The following MTRR variants were observed in gnomAD, a reference collection of about 807,000 sequenced individuals.
MTRR encodes the protein 5-methyltetrahydrofolate-homocysteine methyltransferase reductase.
Under a neutral mutation model 79.2 loss-of-function variants are expected in MTRR, and 63 were observed. That is an observed-to-expected ratio of 0.80 (90% CI 0.65 to 0.98). The LOEUF is 0.98. Ranked by LOEUF, MTRR falls within the 50% of genes least tolerant of loss-of-function variation. MTRR has a pLI of 0.00. For synonymous variants in MTRR, 355 were observed against 313.3 expected (o/e 1.13, Z -1.41); for missense variants, 895 against 839.6 (o/e 1.07, Z -0.82).
At chr5:7,852,663 C>A (rs968180129) in intron 1 of MTRR, among the ~76,000 whole-genome samples, 2 of 152,218 alleles carry the variant, frequency 1.3e-5, no homozygotes, top group African/African-American at 4.8e-5. Context: ...TTATTTTTCT[C>A]CCATGGGCTG....
At chr5:7,875,457 C>T in intron 4 of MTRR, 82 bp downstream of exon 4, 1 of 1,197,162 alleles carries the variant, frequency 8.4e-7, no homozygotes, top group Non-Finnish European at 1.2e-6. Flanking sequence ...CAGCTTTTCA[C>T]TTAACACTGA....
In MTRR at chr5:7,900,223, T is replaced by A; in HGVS notation, c.*165T>A. 2.5e-6 allele frequency: 2 copies of A among 791,498 alleles called. No individual in the cohort carries two copies. The highest frequency in any genetic ancestry group is 3.7e-5 in the South Asian group (2 of 53,658). 49.0% of individuals were successfully genotyped at this position (791,498 alleles called of 1,614,324 possible). Reference sequence around the variant, plus strand: ...CATTTAACAATATAACAAAACTTCCTGATTTGATTTTACGTATCTTCTATC... The same window carrying A: ...CATTTAACAATATAACAAAACTTCCAGATTTGATTTTACGTATCTTCTATC... On this transcript the variant is annotated 3_prime_UTR_variant, in exon 15 of 15. Coordinates refer to ENST00000440940, the MANE Select transcript of MTRR (RefSeq NM_002454.3).
In MTRR at chr5:7,895,740, A is replaced by G. The variant is rs374903302; in HGVS notation, c.1564A>G (p.Ile522Val). The G allele has an allele frequency of 4.5e-5, 73 of 1,614,034 alleles. No homozygotes were observed. The highest frequency in any genetic ancestry group is 1.5e-4 in the South Asian group (14 of 91,090). ...SGKALAPKIS[I>V]SPRTTNSFHL... ...ATTTGATGTAATATTTCAGATATCC[A>G]TCTCTCCTCGAACAACAAATTCTTT... The change falls in exon 12 of 15, where the codon ATC (isoleucine) becomes GTC (valine). Residue 522 changes from isoleucine to valine, a missense_variant. Coordinates refer to ENST00000440940, the MANE Select transcript of MTRR (RefSeq NM_002454.3).
chr5:7,873,252 A>G, intron 2 of MTRR, 121 bp from the exon 3 acceptor site: 1 of 1,332,390 alleles, frequency 7.5e-7, no homozygotes, highest in Admixed American at 1.7e-5. Context: ...TCGTCTCAAA[A>G]AAACTGGCAA....
At chr5:7,876,841 G>A (rs556053753) in intron 4 of MTRR, among the ~76,000 whole-genome samples, 12 of 152,310 alleles carry the variant, frequency 7.9e-5, no homozygotes, top group South Asian at 6.2e-4. Flanking sequence ...AGTGCCTGTC[G>A]TCATGTAGTA....
At chr5:7,856,138 C>A (rs1441563145) in intron 1 of MTRR, among the ~76,000 whole-genome samples, 12 of 152,128 alleles carry the variant, frequency 7.9e-5, no homozygotes. Flanking sequence ...CGATTCAGGT[C>A]CCTCAAAGGG....
intron 9 of MTRR, among the ~76,000 whole-genome samples, chr5:7,890,705 TTAAG>T (rs1315633571): frequency 5.3e-5 from 8 of 152,200 alleles, no homozygotes; most frequent in Non-Finnish European, 7.3e-5. Flanking sequence ...ATATTTTCAA[TTAAG>T]TAACTGCTAA....
intron 11 of MTRR, among the ~76,000 whole-genome samples, chr5:7,894,607 C>T (rs972226692): frequency 6.6e-6 from 1 of 152,186 alleles, no homozygotes; most frequent in Non-Finnish European, 1.5e-5. Flanking sequence ...TGATTCAGAT[C>T]GTGGTCAAAG....
chr5:7,866,543 G>A (rs1018211921), upstream of MTRR: 2 of 848,726 alleles, frequency 2.4e-6, no homozygotes, highest in Non-Finnish European at 3.7e-6. Context: ...GATCACTATG[G>A]AAGAAAAACT....
chr5:7,891,336 G>C, intron 9 of MTRR, 36 bp from the exon 10 acceptor site: 2 of 890,484 alleles, frequency 2.2e-6, no homozygotes, highest in Middle Eastern at 4.6e-4. Flanking sequence ...TTCAGTAGTA[G>C]TGAATTAATA....
At position 7,895,811 on chromosome 5, in the gene MTRR, A is replaced by G. The variant is rs1738412449; in HGVS notation, c.1635A>G (p.Pro545=). The G allele has an allele frequency of 6.2e-7, 1 of 1,614,048 alleles. No homozygotes were observed. Among genetic ancestry groups the G allele is most frequent in the Admixed American group, 1.7e-5 (1 of 60,010 alleles). ...DPSIPIIMVG[P]GTGIAPFIGF... is the part of the protein sequence containing the mutation. ...CAATCCCCATCATAATGGTGGGTCC[A>G]GGAACCGGCATAGCCCCGTTTATTG... Residue 545 remains proline, a synonymous_variant, in exon 12 of 15, where the codon CCA becomes CCG. Coordinates refer to ENST00000440940, the MANE Select transcript of MTRR (RefSeq NM_002454.3).
At chr5:7,850,945 G>T, upstream of MTRR, 2 of 1,345,576 alleles carry the variant, frequency 1.5e-6, no homozygotes, top group Non-Finnish European at 1.9e-6. Context: ...GCTGAAGGCG[G>T]ACTGCGCCGA....
intron 5 of MTRR, among the ~76,000 whole-genome samples, chr5:7,879,150 T>C (rs999810207): frequency 1.3e-5 from 2 of 152,206 alleles, no homozygotes; most frequent in African/African-American, 4.8e-5. Flanking sequence ...TATGGGCTAT[T>C]GTTTTTGCAC....
At chr5:7,868,199 G>GT, upstream of MTRR, 19 of 174,814 alleles carry the variant, frequency 1.1e-4, no homozygotes, top group South Asian at 5.9e-4. Context: ...ACGAGTATCT[G>GT]GAAAAAAAAA....
intron 5 of MTRR, 25 bp from the exon 6 acceptor site, chr5:7,883,130 C>G (rs369343311): frequency 1.4e-5 from 22 of 1,613,912 alleles, no homozygotes; most frequent in Admixed American, 8.3e-5. Flanking sequence ...ATTGCACTTA[C>G]GTTTTGTCAC....
intron 11 of MTRR, 176 bp downstream of exon 11, chr5:7,893,089 T>A: frequency 1.4e-6 from 1 of 695,400 alleles, no homozygotes; most frequent in Non-Finnish European, 2.4e-6. Flanking sequence ...ATGTACTCTT[T>A]AACTAGTGTG....
Position 7,897,188 on chromosome 5 carries a change from T to C in MTRR, c.1893T>C (p.Leu631=), listed in dbSNP as rs114274194. 6.2e-7 allele frequency: 1 copy of C among 1,614,154 alleles called. No individual in the cohort carries two copies. The highest frequency in any genetic ancestry group is 2.2e-5 in the East Asian group (1 of 44,872). ...AGTATGTGCAAGACAACATCCAGCT[T>C]CATGGCCAGCAGGTGGCGAGAATCC... ...PAKYVQDNIQ[L]HGQQVARILL... Residue 631 remains leucine, a synonymous_variant, in exon 14 of 15, where the codon CTT becomes CTC. Transcript: ENST00000440940.
intron 10 of MTRR, among the ~76,000 whole-genome samples, chr5:7,892,400 A>G (rs1257466944): frequency 2.6e-5 from 4 of 152,228 alleles, no homozygotes; most frequent in Non-Finnish European, 5.9e-5. Context: ...ATTTATCCCC[A>G]TTTCTTCACA....
chr5:7,895,298 C>T (rs890333557), intron 11 of MTRR, among the ~76,000 whole-genome samples: 13 of 151,984 alleles, frequency 8.6e-5, no homozygotes, highest in Admixed American at 8.5e-4. Flanking sequence ...TTGGAGCAGC[C>T]CCTCAATTTC....
Sources: allele counts gnomAD v4.1 joint callset (sites outside exome capture counted in the v4.1 genomes callset), GRCh38; gene constraint gnomAD v4.1.1; transcripts MANE v1.5; gene names NCBI Gene and HGNC (gene_info 2026-07-23, HGNC 2026-07-21).